The following PCDHGA1 variants were observed in gnomAD, a reference collection of about 807,000 sequenced individuals.
PCDHGA1 encodes the protein protocadherin gamma subfamily A, 1, also known as protocadherin gamma-A1.
In PCDHGA1, 32 loss-of-function variants were observed where a neutral mutation model predicts 58.0. The observed-to-expected ratio is 0.55, with a 90% confidence interval of 0.42 to 0.74. PCDHGA1 has a LOEUF of 0.74. Ranked by LOEUF, PCDHGA1 falls within the 30% of genes least tolerant of loss-of-function variation. PCDHGA1 has a pLI of 0.00. For missense variants in PCDHGA1, 1,205 were observed against 1,182.3 expected (o/e 1.02, Z -0.28); for synonymous variants, 498 against 501.1 (o/e 0.99, Z 0.08).
At chr5:141,388,781 T>C (rs770000046) in intron 1 of PCDHGA1, 3 of 1,613,832 alleles carry the variant, frequency 1.9e-6, no homozygotes, top group Non-Finnish European at 2.5e-6. Flanking sequence ...CCGGGGAAAT[T>C]ACTGTTTTAA....
At chr5:141,510,335 AC>A (rs1247622083) in intron 3 of PCDHGA1, among the ~76,000 whole-genome samples, 1 of 149,138 alleles carries the variant, frequency 6.7e-6, no homozygotes, top group African/African-American at 2.5e-5. Context: ...CTTCACCCCC[AC>A]CCCACACACT....
chr5:141,409,405 C>G, intron 1 of PCDHGA1: 1 of 1,614,050 alleles, frequency 6.2e-7, no homozygotes, highest in Non-Finnish European at 8.5e-7. Flanking sequence ...CCAATAACTA[C>G]TACAAACTGG....
In PCDHGA1 at chr5:141,330,949, A is replaced by C. The variant is rs1756333099; in HGVS notation, c.265A>C (p.Arg89=). The C allele has an allele frequency of 6.2e-7, 1 of 1,614,236 alleles. No individual in the cohort carries two copies. Among genetic ancestry groups the C allele is most frequent in the Non-Finnish European group, 8.5e-7 (1 of 1,180,038 alleles). ...PRSGSLITAR[R]IDREELCAQS... is the part of the protein sequence containing the mutation. ...AAGTGGCAGCTTGATCACCGCGCGC[A>C]GGATAGACCGGGAGGAGCTCTGCGC... The change falls in exon 1 of 4, where the codon AGG becomes CGG. Residue 89 remains arginine, a synonymous_variant. Transcript: ENST00000517417.
At chr5:141,359,917 CT>C in intron 1 of PCDHGA1, 1 of 436,538 alleles carries the variant, frequency 2.3e-6, no homozygotes, top group Non-Finnish European at 4.0e-6. Context: ...GTGCAGTTTC[CT>C]GAGAAAACCT....
At position 141,511,345 on chromosome 5, in the gene PCDHGA1, T is replaced by A; in HGVS notation, c.*172T>A. The A allele has an allele frequency of 7.8e-6, 11 of 1,410,508 alleles. No individual in the cohort carries two copies. The highest frequency in any genetic ancestry group is 1.0e-5 in the Non-Finnish European group (11 of 1,060,682). 87.4% of individuals were successfully genotyped at this position (1,410,508 alleles called of 1,614,324 possible). ...AAGTGCCCAGTCAGCACCTACCCCT[T>A]CCCCCCCAGGGGGTTGAATATGCAA... On this transcript the variant is annotated 3_prime_UTR_variant, in exon 4 of 4. Transcript: ENST00000517417.
In PCDHGA1 at chr5:141,432,654, T is replaced by C. The variant is rs2097525297; in HGVS notation, c.2422-62153T>C. ...GGCGAGGTGCGCACGGCGCGAGCCC[T>C]GCTGGACAGAGACGCGCTCAAGCAG... is the stretch of plus-strand genomic sequence containing the variant. On this transcript the variant is annotated intron_variant, in intron 1 of 3. Transcript: ENST00000517417. This position sits in a 1 kb window ranked among gnomAD's most constrained non-coding sequence, Gnocchi z 6.0. The C allele has an allele frequency of 1.2e-6, 2 of 1,613,816 alleles. No homozygotes were observed. Among genetic ancestry groups the C allele is most frequent in the African/African-American group, 1.3e-5 (1 of 75,034 alleles).
chr5:141,370,269 G>A (rs1185604406), intron 1 of PCDHGA1: 1 of 783,942 alleles, frequency 1.3e-6, no homozygotes, highest in Admixed American at 3.1e-5. Flanking sequence ...TCCTGCAGCG[G>A]AGACACCCAT....
Position 141,361,369 on chromosome 5 carries a change from C to T in PCDHGA1, c.2421+28264C>T, listed in dbSNP as rs768974376. On this transcript the variant is annotated intron_variant, in intron 1 of 3. Transcript: ENST00000517417. ...ACTAGTGACAGACGGCGCTCTGGACCGGGAGGAGATCCCAGAATACAATCT... is the reference window on the plus strand; with the variant it reads ...ACTAGTGACAGACGGCGCTCTGGACTGGGAGGAGATCCCAGAATACAATCT... 5.0e-6 allele frequency: 8 copies of T among 1,613,946 alleles called. 1 individual carries two copies. In the South Asian group the frequency reaches 8.8e-5, roughly 18 times the overall value.
At position 141,332,609 on chromosome 5, in the gene PCDHGA1, T is replaced by C; in HGVS notation, c.1925T>C (p.Leu642Pro). Reference sequence around the variant, plus strand: ...GACAGAGACGCGCTCAAGCAGAGTCTCGTGGTGGCCGTCCAGGACCACGGC... The same window carrying C: ...GACAGAGACGCGCTCAAGCAGAGTCCCGTGGTGGCCGTCCAGGACCACGGC... ...LLDRDALKQS[L>P]VVAVQDHGQP... Residue 642 changes from leucine (L) to proline (P), a missense_variant, in exon 1 of 4, where the codon CTC (leucine) becomes CCC (proline). Transcript: ENST00000517417. This position sits in a 1 kb window ranked among gnomAD's most constrained non-coding sequence, Gnocchi z 4.6. 6.2e-7 allele frequency: 1 copy of C among 1,612,876 alleles called. No individual in the cohort carries two copies. Among genetic ancestry groups the C allele is most frequent in the Non-Finnish European group, 8.5e-7 (1 of 1,179,876 alleles).
chr5:141,341,516 G>A (rs1353183465), intron 1 of PCDHGA1: 9 of 1,517,810 alleles, frequency 5.9e-6, no homozygotes, highest in Non-Finnish European at 7.1e-6. Context: ...TTTAGGAAGT[G>A]AGTCTTGGTG....
intron 1 of PCDHGA1, chr5:141,376,683 T>G (rs993121211): frequency 8.6e-5 from 69 of 804,030 alleles, no homozygotes; most frequent in African/African-American, 6.0e-4. Flanking sequence ...ATCGTTTTTT[T>G]TTTTTTTTTT....
chr5:141,498,146 G>A (rs924380243), intron 2 of PCDHGA1, among the ~76,000 whole-genome samples: 1 of 152,200 alleles, frequency 6.6e-6, no homozygotes, highest in Non-Finnish European at 1.5e-5. Context: ...GGACATCCTG[G>A]AAATGAAGTT....
intron 1 of PCDHGA1, chr5:141,342,137 G>A (rs1757127319): frequency 6.6e-6 from 1 of 151,872 alleles, no homozygotes; most frequent in African/African-American, 2.4e-5. Flanking sequence ...TCATACGTGG[G>A]AACCATACTG....
chr5:141,352,307 G>C, intron 1 of PCDHGA1: 1 of 1,614,058 alleles, frequency 6.2e-7, no homozygotes, highest in African/African-American at 1.3e-5. Context: ...CCCCCAGACG[G>C]AACTGCAGTT....
intron 1 of PCDHGA1, among the ~76,000 whole-genome samples, chr5:141,479,129 C>T (rs2099488562): frequency 6.6e-6 from 1 of 152,154 alleles, no homozygotes; most frequent in South Asian, 2.1e-4. Context: ...AAATGATGTG[C>T]ACCCTGCTTA....
intron 1 of PCDHGA1, among the ~76,000 whole-genome samples, chr5:141,406,983 A>G (rs997882236): frequency 6.6e-6 from 1 of 152,250 alleles, no homozygotes; most frequent in Non-Finnish European, 1.5e-5. Context: ...AACATTTCAC[A>G]AGACATTTGA....
intron 1 of PCDHGA1, chr5:141,341,700 T>C (rs1416241144): frequency 1.8e-6 from 1 of 542,334 alleles, no homozygotes; most frequent in Non-Finnish European, 3.2e-6. Flanking sequence ...CCTGGGCAAA[T>C]CATCTCATCC....
Position 141,477,203 on chromosome 5 carries a change from G to A in PCDHGA1, c.2422-17604G>A. The A allele has an allele frequency of 6.2e-7, 1 of 1,614,176 alleles. No individual in the cohort carries two copies. The highest frequency in any genetic ancestry group is 8.5e-7 in the Non-Finnish European group (1 of 1,180,050). ...CACCTCCGTGTACAGCCCAGTACCC[G>A]AGGATGCCCCTCTGGGGACTGTCAT... On this transcript the variant is annotated intron_variant, in intron 1 of 3. Coordinates refer to ENST00000517417, the MANE Select transcript of PCDHGA1 (RefSeq NM_018912.3). This position sits in a 1 kb window ranked among gnomAD's most constrained non-coding sequence, Gnocchi z 4.9.
intron 1 of PCDHGA1, chr5:141,421,475 G>A (rs752558543): frequency 4.3e-6 from 7 of 1,614,150 alleles, no homozygotes. Flanking sequence ...CCGCGAAGCG[G>A]CAGCTTGATC....
Sources: gnomAD v4.1 joint callset for allele counts (sites outside exome capture counted in the v4.1 genomes callset) on GRCh38, gnomAD v4.1.1 for gene constraint, Gnocchi (gnomAD v3.1) non-coding constraint, MANE v1.5 for transcripts, NCBI Gene and HGNC (gene_info 2026-07-23, HGNC 2026-07-21) for gene names.